The following S100A8 variants were observed in gnomAD, a reference collection of about 807,000 sequenced individuals.
S100A8 encodes protein S100-A8.
In S100A8, 1 loss-of-function variant was observed where a neutral mutation model predicts 4.2. That is an observed-to-expected ratio of 0.24 (90% confidence interval 0.08 to 1.12). S100A8 has a LOEUF of 1.12. S100A8 is among the 50% of genes most tolerant of loss of function. S100A8 has a pLI of 0.53. For synonymous variants in S100A8, 41 were observed against 44.7 expected (o/e 0.92, Z 0.33); for missense variants, 96 against 111.8 (o/e 0.86, Z 0.64).
chr1:153,419,367 C>G, the S100A8 span: 1 of 1,514,294 alleles, frequency 6.6e-7, no homozygotes, highest in Non-Finnish European at 9.0e-7. Context: ...CTCCTCCCAC[C>G]AGACACTTGC....
chr1:153,390,896 C>A, intron 1 of S100A8, 145 bp downstream of exon 1: 1 of 523,464 alleles, frequency 1.9e-6, no homozygotes, highest in Non-Finnish European at 2.5e-6. Flanking sequence ...TTCCTTATCC[C>A]TGCCTCACTC....
In S100A8 at chr1:153,390,551, G is replaced by T. The variant is rs371186400; in HGVS notation, c.-16C>A. On this transcript the variant is annotated 5_prime_UTR_variant, in exon 2 of 3. Transcript: ENST00000368733. ...CGGTCAACATGATGCCCACGGACTTGCCCCACCTGAAAAACAGAACCTTCT... is the reference window on the plus strand; with the variant it reads ...CGGTCAACATGATGCCCACGGACTTTCCCCACCTGAAAAACAGAACCTTCT... The T allele has an allele frequency of 1.2e-6, 2 of 1,613,806 alleles. No homozygotes were observed. Among genetic ancestry groups the T allele is most frequent in the African/African-American group, 2.7e-5 (2 of 74,918 alleles).
chr1:153,414,659 G>A, the S100A8 span, among the ~76,000 whole-genome samples: 1 of 152,188 alleles, frequency 6.6e-6, no homozygotes, highest in Non-Finnish European at 1.5e-5. Flanking sequence ...ATTCATTGAT[G>A]GCAGGAACAC....
the S100A8 span, among the ~76,000 whole-genome samples, chr1:153,407,562 G>A: frequency 1.3e-5 from 2 of 152,218 alleles, no homozygotes; most frequent in Non-Finnish European, 2.9e-5. Context: ...CTGAACAAAA[G>A]GCAGCAGAAA....
chr1:153,420,047 C>T, the S100A8 span: 2 of 152,284 alleles, frequency 1.3e-5, no homozygotes, highest in East Asian at 1.9e-4. Context: ...ATGAATATTC[C>T]AGATTTTGAG....
the S100A8 span, among the ~76,000 whole-genome samples, chr1:153,401,431 T>C: frequency 6.6e-6 from 1 of 152,036 alleles, no homozygotes. Flanking sequence ...AAACTTCAGG[T>C]TACTGTACTT....
the S100A8 span, among the ~76,000 whole-genome samples, chr1:153,418,485 C>T: frequency 2.0e-5 from 3 of 152,178 alleles, no homozygotes; most frequent in Admixed American, 6.5e-5. Context: ...GCACAGTCCC[C>T]TCCCAGCGCT....
the S100A8 span, among the ~76,000 whole-genome samples, chr1:153,404,320 T>C: frequency 6.6e-6 from 1 of 152,206 alleles, no homozygotes; most frequent in Non-Finnish European, 1.5e-5. Flanking sequence ...AGCCGCTCTG[T>C]GGAGGCCCAG....
chr1:153,397,895 G>A, the S100A8 span, among the ~76,000 whole-genome samples: 3 of 152,272 alleles, frequency 2.0e-5, no homozygotes, highest in African/African-American at 4.8e-5. Context: ...CAAGGGCCCC[G>A]TACCCAGGCG....
the S100A8 span, chr1:153,419,051 T>A: frequency 7.5e-7 from 1 of 1,337,442 alleles, no homozygotes; most frequent in Non-Finnish European, 1.1e-6. Context: ...CAGATCTAGG[T>A]ACTTGTCTGT....
At chr1:153,395,928 GCT>G (rs1662201227), upstream of S100A8, among the ~76,000 whole-genome samples, 1 of 152,184 alleles carries the variant, frequency 6.6e-6, no homozygotes, top group African/African-American at 2.4e-5. Context: ...GATTCTTGGG[GCT>G]CTCTTTCAGA....
chr1:153,399,305 C>A, the S100A8 span, among the ~76,000 whole-genome samples: 1 of 152,196 alleles, frequency 6.6e-6, no homozygotes, highest in African/African-American at 2.4e-5. Context: ...CCTGAGGTGA[C>A]ATCACAACAC....
At chr1:153,396,406 T>G in the S100A8 span, among the ~76,000 whole-genome samples, 1 of 152,260 alleles carries the variant, frequency 6.6e-6, no homozygotes, top group Admixed American at 6.5e-5. Flanking sequence ...CTTGGAAATA[T>G]GTATGAAATT....
At chr1:153,404,980 G>GTT in the S100A8 span, among the ~76,000 whole-genome samples, 1 of 152,014 alleles carries the variant, frequency 6.6e-6, no homozygotes, top group Non-Finnish European at 1.5e-5. Context: ...CAGGGCCAGA[G>GTT]TTTTGTCCTG....
the S100A8 span, among the ~76,000 whole-genome samples, chr1:153,410,625 T>C: frequency 5.9e-5 from 9 of 152,174 alleles, no homozygotes; most frequent in African/African-American, 4.8e-5. Context: ...CCCTAACTCA[T>C]TTTATGAGGC....
At chr1:153,397,615 G>A in the S100A8 span, among the ~76,000 whole-genome samples, 1 of 152,146 alleles carries the variant, frequency 6.6e-6, no homozygotes, top group East Asian at 1.9e-4. Context: ...GGGCGGGTGA[G>A]GCAGCTTTCA....
chr1:153,395,964 T>G (rs558772034), upstream of S100A8, among the ~76,000 whole-genome samples: 1 of 152,372 alleles, frequency 6.6e-6, no homozygotes, highest in East Asian at 1.9e-4. Context: ...CGGAGCGGCA[T>G]GTTAGTTCAC....
the S100A8 span, among the ~76,000 whole-genome samples, chr1:153,411,549 T>C: frequency 6.6e-6 from 1 of 152,202 alleles, no homozygotes; most frequent in African/African-American, 2.4e-5. Context: ...AAAATGGCCA[T>C]ACTGCCCAAG....
the S100A8 span, among the ~76,000 whole-genome samples, chr1:153,416,102 G>T: frequency 4.9e-4 from 74 of 152,296 alleles, no homozygotes; most frequent in African/African-American, 1.7e-3. Flanking sequence ...ACATTAAAAC[G>T]CTCAGTAAGC....
Sources: allele counts gnomAD v4.1 joint callset (sites outside exome capture counted in the v4.1 genomes callset), GRCh38; gene constraint gnomAD v4.1.1; transcripts MANE v1.5; gene names NCBI Gene and HGNC (gene_info 2026-07-23, HGNC 2026-07-21).